SRGAP2C: variants seen among roughly 807,000 people sequenced by gnomAD.
SRGAP2C encodes SLIT-ROBO Rho GTPase-activating protein 2C.
In SRGAP2C, 15 loss-of-function variants were observed where a neutral mutation model predicts 25.1. The ratio of observed to expected loss-of-function variants is 0.60; its 90% CI spans 0.40 to 0.92. The LOEUF (loss-of-function observed/expected upper bound fraction) is 0.92, where lower values mean the gene tolerates loss of function less well. SRGAP2C is among the 40% of genes least tolerant of loss of function. The pLI, the probability that SRGAP2C is intolerant of heterozygous loss-of-function variation, is 0.00. For missense variants in SRGAP2C, 144 were observed against 264.4 expected (o/e 0.54, Z 3.16); for synonymous variants, 44 against 96.6 (o/e 0.46, Z 3.19).
intron 2 of SRGAP2C, among the ~76,000 whole-genome samples, chr1:121,237,348 C>T (rs1184709138): frequency 1.3e-5 from 2 of 151,698 alleles, no homozygotes; most frequent in Admixed American, 6.6e-5. Context: ...GAATTAATCC[C>T]GGATCTAGCT....
At chr1:121,328,090 A>T (rs2101614200) in intron 4 of SRGAP2C, among the ~76,000 whole-genome samples, 2 of 152,204 alleles carry the variant, frequency 1.3e-5, no homozygotes, top group Non-Finnish European at 2.9e-5. Flanking sequence ...AAAAGTGGAT[A>T]TAGGTGTGGA....
intron 5 of SRGAP2C, among the ~76,000 whole-genome samples, chr1:121,367,070 C>T (rs1226409598): frequency 3.3e-5 from 5 of 151,474 alleles, no homozygotes; most frequent in East Asian, 1.9e-4. Context: ...CCAATATTGG[C>T]CAACTACTTT....
intron 2 of SRGAP2C, among the ~76,000 whole-genome samples, chr1:121,255,398 A>G (rs1350429560): frequency 2.6e-5 from 4 of 151,456 alleles, no homozygotes; most frequent in African/African-American, 9.7e-5. Flanking sequence ...TGGGACCAGG[A>G]GCTTTGCAGA....
chr1:121,366,949 A>C lies in SRGAP2C; in HGVS notation c.486+1594A>C, dbSNP rs1222767753. Among the ~76,000 whole-genome samples, 2 of 95,296 alleles carry C rather than the reference A, an allele frequency of 2.1e-5. 1 individual carries two copies. Among genetic ancestry groups the C allele is most frequent in the African/African-American group, 7.2e-5 (2 of 27,658 alleles). 62.5% of individuals were successfully genotyped at this position (95,296 alleles called of 152,430 possible). On this transcript the variant is annotated intron_variant, in intron 5 of 9. Coordinates refer to ENST00000367123, the MANE Select transcript of SRGAP2C (RefSeq NM_001329984.2). Reference sequence around the variant, plus strand: ...TCATATGCTGTGCTTTAAAAAAAAAAATAAGTGAAAGGGCGTAAGCTGTGT... The same window carrying C: ...TCATATGCTGTGCTTTAAAAAAAAACATAAGTGAAAGGGCGTAAGCTGTGT...
intron 2 of SRGAP2C, among the ~76,000 whole-genome samples, chr1:121,211,416 T>TAC (rs200891136): frequency 0.089 from 11,649 of 130,196 alleles, 270 homozygotes; most frequent in Admixed American, 0.11. Flanking sequence ...TATATACACA[T>TAC]ACACACACAC....
intron 3 of SRGAP2C, among the ~76,000 whole-genome samples, chr1:121,322,141 C>G (rs1658224103): frequency 6.7e-6 from 1 of 149,756 alleles, no homozygotes; most frequent in African/African-American, 2.5e-5. Flanking sequence ...TATAGACCCC[C>G]CCAATCCATC....
chr1:121,211,099 T>C (rs1655239069), intron 2 of SRGAP2C, among the ~76,000 whole-genome samples: 1 of 149,454 alleles, frequency 6.7e-6, no homozygotes, highest in Admixed American at 6.7e-5. Flanking sequence ...TACAGGATAG[T>C]GAAGGATCCT....
intron 4 of SRGAP2C, among the ~76,000 whole-genome samples, chr1:121,350,711 C>G (rs1553345505): frequency 6.6e-6 from 1 of 151,944 alleles, no homozygotes; most frequent in South Asian, 2.1e-4. Context: ...CATATGACAC[C>G]AAAGCACAAG....
At chr1:121,332,546 C>T (rs1658454965) in intron 4 of SRGAP2C, among the ~76,000 whole-genome samples, 1 of 152,116 alleles carries the variant, frequency 6.6e-6, no homozygotes, top group South Asian at 2.1e-4. Flanking sequence ...TACTTTTCTC[C>T]AGGGTCTTGG....
At chr1:121,275,104 T>C (rs1177176258) in intron 2 of SRGAP2C, among the ~76,000 whole-genome samples, 15 of 146,804 alleles carry the variant, frequency 1.0e-4, no homozygotes, top group African/African-American at 3.8e-4. Flanking sequence ...TCTCTTAATG[T>C]AGTCTGGGAC....
intron 2 of SRGAP2C, among the ~76,000 whole-genome samples, chr1:121,284,024 T>C (rs1657307501): frequency 6.6e-6 from 1 of 151,612 alleles, no homozygotes; most frequent in African/African-American, 2.4e-5. Context: ...CACTACAGCA[T>C]CTATGAAGAT....
intron 7 of SRGAP2C, among the ~76,000 whole-genome samples, chr1:121,377,031 T>C (rs1659673666): frequency 2.0e-5 from 3 of 150,966 alleles, no homozygotes; most frequent in African/African-American, 7.3e-5. Context: ...TTGCAATCCA[T>C]AGATTCTCCA....
rs1407399100 is a variant in SRGAP2C at position 121,324,468 on chromosome 1, T to A, written c.261-10T>A. ...AACAATGACTTCTTTTCCTTGATGT[T>A]TCTTCACAGGAAGGATCAGAATGTT... On this transcript the variant is annotated splice_polypyrimidine_tract_variant and intron_variant, in intron 3 of 9. Coordinates refer to ENST00000367123, the MANE Select transcript of SRGAP2C (RefSeq NM_001329984.2). The A allele has an allele frequency of 6.0e-5, 97 of 1,610,100 alleles. No individual in the cohort carries two copies. Among genetic ancestry groups the A allele is most frequent in the Non-Finnish European group, 8.1e-5 (95 of 1,176,532 alleles).
intron 2 of SRGAP2C, among the ~76,000 whole-genome samples, chr1:121,221,334 G>T (rs1655516098): frequency 1.3e-5 from 1 of 78,148 alleles, no homozygotes; most frequent in Non-Finnish European, 2.4e-5. Flanking sequence ...TTTTGATAGA[G>T]GCAGTAACTT....
At chr1:121,208,911 G>A (rs1362134021) in intron 2 of SRGAP2C, among the ~76,000 whole-genome samples, 6 of 149,824 alleles carry the variant, frequency 4.0e-5, no homozygotes, top group African/African-American at 1.5e-4. Context: ...TTCATATAAG[G>A]GAAAGACCTA....
chr1:121,187,904 T>C (rs1265354419), intron 2 of SRGAP2C, among the ~76,000 whole-genome samples: 1 of 151,846 alleles, frequency 6.6e-6, no homozygotes, highest in Non-Finnish European at 1.5e-5. Context: ...GTTTCAGAGA[T>C]TGAAGAGGAG....
At chr1:121,295,006 A>G (rs1252145970) in intron 3 of SRGAP2C, among the ~76,000 whole-genome samples, 1 of 86,110 alleles carries the variant, frequency 1.2e-5, no homozygotes, top group Non-Finnish European at 2.4e-5. Flanking sequence ...AGTACTAAGT[A>G]TATGCTGCAG....
At chr1:121,310,665 C>A (rs1657961833) in intron 3 of SRGAP2C, among the ~76,000 whole-genome samples, 1 of 84,564 alleles carries the variant, frequency 1.2e-5, no homozygotes, top group Non-Finnish European at 2.5e-5. Context: ...TTCCCAGCAC[C>A]ATTTATTAAA....
At chr1:121,208,299 C>T (rs1319111747) in intron 2 of SRGAP2C, among the ~76,000 whole-genome samples, 11 of 152,006 alleles carry the variant, frequency 7.2e-5, no homozygotes, top group Admixed American at 5.2e-4. Flanking sequence ...AATGACGTGC[C>T]GTGTTACAGT....
Sources: allele counts gnomAD v4.1 joint callset (sites outside exome capture counted in the v4.1 genomes callset), GRCh38; gene constraint gnomAD v4.1.1; transcripts MANE v1.5; gene names NCBI Gene and HGNC (gene_info 2026-07-23, HGNC 2026-07-21).